The following RARB variants were observed in gnomAD, a reference collection of about 807,000 sequenced individuals.
The protein encoded by RARB is HBV-activated protein.
A neutral mutation model predicts 51.9 loss-of-function variants in RARB; 17 were observed. That is an observed-to-expected ratio of 0.33 (90% CI 0.22 to 0.49). The LOEUF (loss-of-function observed/expected upper bound fraction) is 0.49. Ranked by LOEUF, RARB falls within the 20% of genes least tolerant of loss-of-function variation. The pLI, the probability that RARB is intolerant of heterozygous loss-of-function variation, is 0.99. For missense variants in RARB, 369 were observed against 550.8 expected (o/e 0.67, Z 3.30); for synonymous variants, 215 against 195.4 (o/e 1.10, Z -0.84).
intron 5 of RARB, among the ~76,000 whole-genome samples, chr3:25,588,590 C>G (rs146185933): frequency 3.3e-3 from 508 of 152,294 alleles, no homozygotes; most frequent in Middle Eastern, 0.01. Context: ...CACAGTGGGT[C>G]AGGAATCTGG....
intron 5 of RARB, among the ~76,000 whole-genome samples, chr3:25,179,513 C>G (rs1430666191): frequency 1.3e-5 from 2 of 152,098 alleles, no homozygotes; most frequent in Non-Finnish European, 2.9e-5. Flanking sequence ...ATAATAGTAT[C>G]ATTTATATCT....
intron 1 of RARB, among the ~76,000 whole-genome samples, chr3:24,854,109 A>G (rs955359656): frequency 3.3e-5 from 5 of 152,176 alleles, no homozygotes; most frequent in African/African-American, 1.2e-4. Flanking sequence ...AGAGACTTGC[A>G]TTTGACAGTT....
intron 1 of RARB, among the ~76,000 whole-genome samples, chr3:24,845,950 A>G (rs1205432586): frequency 6.6e-6 from 1 of 152,220 alleles, no homozygotes; most frequent in Non-Finnish European, 1.5e-5. Flanking sequence ...ATGCAGGCAC[A>G]GACTTACACA....
In RARB at chr3:25,222,525, A is replaced by G. The variant is rs939979450; in HGVS notation, c.178+47950A>G. Among the ~76,000 whole-genome samples, 11 of 152,190 alleles carry G rather than the reference A, an allele frequency of 7.2e-5. No individual in the cohort carries two copies. In the South Asian group the frequency reaches 1.4e-3, roughly 20 times the overall value. On this transcript the variant is annotated intron_variant, in intron 5 of 11. Transcript: ENST00000383772. Reference sequence around the variant, plus strand: ...TCTCAAATAGATTAAAAAAACTTACACAATGATGCCACTCCAATAAATAGA... The same window carrying G: ...TCTCAAATAGATTAAAAAAACTTACGCAATGATGCCACTCCAATAAATAGA...
chr3:25,145,255 G>C (rs1175563083), intron 4 of RARB, among the ~76,000 whole-genome samples: 1 of 152,114 alleles, frequency 6.6e-6, no homozygotes, highest in African/African-American at 2.4e-5. Flanking sequence ...ATGCCTCCCT[G>C]TTCCCTTGAC....
chr3:25,148,041 G>C (rs1700223128), intron 4 of RARB, among the ~76,000 whole-genome samples: 1 of 152,200 alleles, frequency 6.6e-6, no homozygotes, highest in African/African-American at 2.4e-5. Flanking sequence ...ACAGACTACT[G>C]TTTATGTGAT....
intron 4 of RARB, among the ~76,000 whole-genome samples, chr3:25,156,516 C>CAAAAAAAAAAA (rs35710364): frequency 7.0e-5 from 4 of 56,812 alleles, no homozygotes; most frequent in Admixed American, 2.7e-4. Context: ...GCCCCAACTG[C>CAAAAAAAAAAA]AAAAAAAAAA....
intron 2 of RARB, among the ~76,000 whole-genome samples, chr3:24,927,502 TGTG>T (rs1309291370): frequency 1.3e-5 from 2 of 152,102 alleles, no homozygotes; most frequent in African/African-American, 4.8e-5. Flanking sequence ...GAAAGCTCTA[TGTG>T]ACATCTGCTT....
intron 5 of RARB, among the ~76,000 whole-genome samples, chr3:25,210,395 T>C (rs1701662696): frequency 6.6e-6 from 1 of 152,204 alleles, no homozygotes; most frequent in East Asian, 1.9e-4. Flanking sequence ...GCAGCCTACT[T>C]GAGTGAACAA....
intron 5 of RARB, among the ~76,000 whole-genome samples, chr3:25,283,844 T>C (rs1333710877): frequency 6.6e-6 from 1 of 152,084 alleles, no homozygotes; most frequent in African/African-American, 2.4e-5. Flanking sequence ...TTTGGATGAG[T>C]GGGGCAGGCA....
chr3:25,133,070 C>G (rs187730664), intron 4 of RARB, among the ~76,000 whole-genome samples: 2 of 151,998 alleles, frequency 1.3e-5, no homozygotes, highest in East Asian at 3.9e-4. Flanking sequence ...TTTCTTATTG[C>G]TCTGAGTTTT....
At chr3:24,999,305 A>G (rs1697108789) in intron 2 of RARB, among the ~76,000 whole-genome samples, 2 of 152,158 alleles carry the variant, frequency 1.3e-5, no homozygotes, top group Non-Finnish European at 2.9e-5. Flanking sequence ...AATGTCTCCA[A>G]AAACCCTTTC....
At chr3:24,990,278 A>C in intron 2 of RARB, among the ~76,000 whole-genome samples, 1 of 86,212 alleles carries the variant, frequency 1.2e-5, no homozygotes, top group African/African-American at 4.7e-5. Flanking sequence ...TGCACCCATT[A>C]ACTCGTCATT....
chr3:24,868,449 G>A (rs1008780956), intron 2 of RARB, among the ~76,000 whole-genome samples: 4 of 152,002 alleles, frequency 2.6e-5, no homozygotes, highest in Admixed American at 6.6e-5. Flanking sequence ...TTTGTGAAAC[G>A]AGAACTCAAT....
intron 5 of RARB, among the ~76,000 whole-genome samples, chr3:25,275,093 C>A (rs1241545829): frequency 6.6e-6 from 1 of 152,222 alleles, no homozygotes; most frequent in African/African-American, 2.4e-5. Context: ...CCCCATCATG[C>A]TATCAGAGGT....
intron 5 of RARB, among the ~76,000 whole-genome samples, chr3:25,271,090 A>C (rs2125411393): frequency 6.6e-6 from 1 of 152,348 alleles, no homozygotes; most frequent in Admixed American, 6.5e-5. Context: ...TTAGAACATA[A>C]GTCTCTTGTA....
intron 3 of RARB, among the ~76,000 whole-genome samples, chr3:25,101,307 G>A (rs1402278191): frequency 1.3e-5 from 2 of 152,068 alleles, no homozygotes; most frequent in Admixed American, 6.6e-5. Context: ...AGCAAAACAT[G>A]CACGTGGAAA....
At chr3:24,902,490 G>A (rs1055753672) in intron 2 of RARB, among the ~76,000 whole-genome samples, 7 of 152,212 alleles carry the variant, frequency 4.6e-5, no homozygotes, top group South Asian at 2.1e-4. Flanking sequence ...GTGCTTTAAG[G>A]TTTAGACATG....
intron 2 of RARB, among the ~76,000 whole-genome samples, chr3:24,928,434 C>G (rs116496694): frequency 6.6e-6 from 1 of 152,076 alleles, no homozygotes; most frequent in African/African-American, 2.4e-5. Flanking sequence ...GACCTAGGTG[C>G]AGCAAATGAA....
Sources: allele counts gnomAD v4.1 joint callset (sites outside exome capture counted in the v4.1 genomes callset), GRCh38; gene constraint gnomAD v4.1.1; transcripts MANE v1.5; gene names NCBI Gene and HGNC (gene_info 2026-07-23, HGNC 2026-07-21).